ITPR2: variants seen among roughly 807,000 people sequenced by gnomAD.
ITPR2 encodes the protein inositol 1,4,5-trisphosphate-gated calcium channel ITPR2.
Under a neutral mutation model 317.1 loss-of-function variants are expected in ITPR2, and 207 were observed. That is an observed-to-expected ratio of 0.65 (90% confidence interval 0.58 to 0.73). The LOEUF (loss-of-function observed/expected upper bound fraction) is 0.73, where lower values mean the gene tolerates loss of function less well. Among genes scored for constraint, ITPR2 ranks in the 30% least tolerant of loss-of-function variants. The probability of loss-of-function intolerance (pLI) is 0.00; values close to 1 mark genes in which losing one functional copy is unlikely to be tolerated. For synonymous variants in ITPR2, 1,156 were observed against 1,149.1 expected (o/e 1.01, Z -0.12); for missense variants, 2,613 against 3,284.0 (o/e 0.80, Z 4.99).
Position 26,344,890 on chromosome 12 carries a change from G to A in ITPR2, c.7858-4562C>T, listed in dbSNP as rs140536186. Among the ~76,000 whole-genome samples the A allele has an allele frequency of 9.2e-5, 14 of 152,172 alleles. No homozygotes were observed. In the East Asian group the frequency reaches 1.7e-3, roughly 19 times the overall value. On this transcript the variant is annotated intron_variant, in intron 55 of 56. Transcript: ENST00000381340. ...CACAGTCCTGTCATCTTTTCTCTTC[G>A]TTCCTAAATATTATTCTGTCTTCCA... is the stretch of plus-strand genomic sequence containing the variant.
chr12:26,601,996 T>C (rs1180752761), intron 28 of ITPR2, among the ~76,000 whole-genome samples: 1 of 152,150 alleles, frequency 6.6e-6, no homozygotes, highest in Non-Finnish European at 1.5e-5. Flanking sequence ...TTTTCAAGAG[T>C]GTCAATGTCA....
chr12:26,396,137 C>T (rs2136643253), intron 54 of ITPR2, among the ~76,000 whole-genome samples: 1 of 152,040 alleles, frequency 6.6e-6, no homozygotes, highest in East Asian at 1.9e-4. Context: ...AAAGGAGACA[C>T]ACATACATCT....
At chr12:26,779,976 A>C (rs1380456005) in intron 2 of ITPR2, among the ~76,000 whole-genome samples, 1 of 152,222 alleles carries the variant, frequency 6.6e-6, no homozygotes, top group Non-Finnish European at 1.5e-5. Flanking sequence ...GTGCTCACCA[A>C]CAGGTGACCT....
At chr12:26,430,977 G>A (rs1685704) in intron 48 of ITPR2, among the ~76,000 whole-genome samples, 1 of 152,162 alleles carries the variant, frequency 6.6e-6, no homozygotes, top group Admixed American at 6.5e-5. Flanking sequence ...ATCCCTGGGT[G>A]GTCTTTACTA....
chr12:26,446,243 A>G (rs185144052), intron 45 of ITPR2, among the ~76,000 whole-genome samples: 227 of 152,210 alleles, frequency 1.5e-3, no homozygotes, highest in South Asian at 0.011. Flanking sequence ...CCCTTATGTT[A>G]TGGTCAAAGG....
At chr12:26,347,215 G>T (rs1938338799) in intron 55 of ITPR2, among the ~76,000 whole-genome samples, 1 of 152,186 alleles carries the variant, frequency 6.6e-6, no homozygotes, top group African/African-American at 2.4e-5. Flanking sequence ...TATAAAGAAT[G>T]TAATAATTTT....
chr12:26,829,735 C>G (rs1951069553), intron 1 of ITPR2, among the ~76,000 whole-genome samples: 1 of 152,086 alleles, frequency 6.6e-6, no homozygotes, highest in Non-Finnish European at 1.5e-5. Flanking sequence ...TACAACTGTC[C>G]TTTGAAAAGA....
intron 50 of ITPR2, among the ~76,000 whole-genome samples, chr12:26,416,328 T>C (rs1327211666): frequency 6.6e-6 from 1 of 152,192 alleles, no homozygotes; most frequent in East Asian, 1.9e-4. Context: ...AAAGTATGTG[T>C]TTTATTATTA....
intron 21 of ITPR2, among the ~76,000 whole-genome samples, chr12:26,649,822 T>TAGATAGATAGACAGAC (rs779584089): frequency 8.3e-6 from 1 of 119,914 alleles, no homozygotes; most frequent in Non-Finnish European, 1.8e-5. Flanking sequence ...GATAGATAGA[T>TAGATAGATAGACAGAC]AGACAGACAG....
At chr12:26,428,974 A>C (rs1941136462) in intron 48 of ITPR2, among the ~76,000 whole-genome samples, 1 of 152,228 alleles carries the variant, frequency 6.6e-6, no homozygotes, top group Non-Finnish European at 1.5e-5. Flanking sequence ...GAGACTTTCC[A>C]CTGGTAAATA....
chr12:26,504,684 T>C (rs1020927735), intron 37 of ITPR2, among the ~76,000 whole-genome samples: 1 of 152,208 alleles, frequency 6.6e-6, no homozygotes, highest in Non-Finnish European at 1.5e-5. Context: ...ATGTATGCTC[T>C]CAGCCACCAA....
Position 26,487,223 on chromosome 12 carries a change from T to C in ITPR2, c.5399A>G (p.Gln1800Arg). ...TTTAAAGAATTTTTCTGACTTTTTT[T>C]GTTCATGCAACTGCTGGTAGAAAGA... ...QYSFYQQLHE[Q>R]KKSEKFFKVL... Residue 1800 changes from glutamine (Q) to arginine (R), a missense_variant, in exon 40 of 57, where the codon CAA becomes CGA. By Grantham distance (43) the Gln-to-Arg change is conservative. This residue lies in a region of ITPR2 where 926 missense variants were observed against 1,072.8 expected (regional missense o/e 0.86). Transcript: ENST00000381340. 6.2e-7 allele frequency: 1 copy of C among 1,604,058 alleles called. No homozygotes were observed. The highest frequency in any genetic ancestry group is 1.1e-5 in the South Asian group (1 of 89,482).
chr12:26,569,364 G>A (rs1040175904), intron 34 of ITPR2, among the ~76,000 whole-genome samples: 1 of 151,710 alleles, frequency 6.6e-6, no homozygotes, highest in Non-Finnish European at 1.5e-5. Flanking sequence ...GACCACCCTG[G>A]GTAACATGGT....
chr12:26,653,968 A>G lies in ITPR2; in HGVS notation c.2740+8T>C, dbSNP rs934847339. On this transcript the variant is annotated splice_region_variant and intron_variant, in intron 21 of 56. Coordinates refer to ENST00000381340, the MANE Select transcript of ITPR2 (RefSeq NM_002223.4). ...CAATGATATTATCACATTTCCCAAAATTCTTACCTCCATCTTGAAATTTGC... is the reference window on the plus strand; with the variant it reads ...CAATGATATTATCACATTTCCCAAAGTTCTTACCTCCATCTTGAAATTTGC... 1.2e-6 allele frequency: 2 copies of G among 1,605,280 alleles called. No individual in the cohort carries two copies. Among genetic ancestry groups the G allele is most frequent in the Non-Finnish European group, 1.7e-6 (2 of 1,174,180 alleles).
chr12:26,574,792 G>A (rs1413517957), intron 34 of ITPR2, among the ~76,000 whole-genome samples: 1 of 152,076 alleles, frequency 6.6e-6, no homozygotes, highest in African/African-American at 2.4e-5. Context: ...GTCATGTGGC[G>A]AGGGCAGGAG....
intron 2 of ITPR2, among the ~76,000 whole-genome samples, chr12:26,769,972 T>C (rs1438725047): frequency 6.6e-6 from 1 of 152,214 alleles, no homozygotes; most frequent in Non-Finnish European, 1.5e-5. Flanking sequence ...CGATTGGGAA[T>C]AACTTCCTAA....
chr12:26,428,442 C>T (rs945613811), intron 48 of ITPR2, among the ~76,000 whole-genome samples: 1 of 152,010 alleles, frequency 6.6e-6, no homozygotes, highest in Non-Finnish European at 1.5e-5. Flanking sequence ...GATTAATGAC[C>T]ATTAGATATA....
intron 55 of ITPR2, among the ~76,000 whole-genome samples, chr12:26,359,406 T>C (rs768550673): frequency 6.6e-5 from 10 of 152,138 alleles, no homozygotes; most frequent in Non-Finnish European, 1.5e-4. Context: ...CAGGCTATGA[T>C]TTAAAAGTCA....
intron 11 of ITPR2, among the ~76,000 whole-genome samples, chr12:26,683,349 A>T (rs1004899362): frequency 1.3e-5 from 2 of 152,190 alleles, no homozygotes; most frequent in Admixed American, 1.3e-4. Context: ...CTCATGCTAT[A>T]AACAAGTGTC....
Sources: gnomAD v4.1 joint callset for allele counts (sites outside exome capture counted in the v4.1 genomes callset) on GRCh38, gnomAD v4.1.1 for gene constraint, gnomAD v4.1.1 regional missense constraint, MANE v1.5 for transcripts, NCBI Gene and HGNC (gene_info 2026-07-23, HGNC 2026-07-21) for gene names.